Variants in FAM110B observed in about 807,000 individuals in gnomAD.
FAM110B encodes protein FAM110B.
A neutral mutation model predicts 20.4 loss-of-function variants in FAM110B; 6 were observed. The observed-to-expected ratio is 0.29, with a 90% CI of 0.16 to 0.58. FAM110B has a LOEUF of 0.58. Among genes scored for constraint, FAM110B ranks in the 20% least tolerant of loss-of-function variants. The probability of loss-of-function intolerance (pLI) is 0.90; values close to 1 mark genes in which losing one functional copy is unlikely to be tolerated. For synonymous variants in FAM110B, 226 were observed against 214.1 expected (o/e 1.06, Z -0.49); for missense variants, 434 against 498.2 (o/e 0.87, Z 1.23).
intron 1 of FAM110B, among the ~76,000 whole-genome samples, chr8:58,013,324 C>T (rs1177116073): frequency 1.3e-5 from 2 of 152,156 alleles, no homozygotes; most frequent in East Asian, 1.9e-4. Flanking sequence ...TTTGGGCTGT[C>T]CCCATGGCGG....
At chr8:58,049,544 C>T (rs549976056) in intron 2 of FAM110B, among the ~76,000 whole-genome samples, 9 of 152,130 alleles carry the variant, frequency 5.9e-5, no homozygotes, top group South Asian at 2.1e-4. Context: ...GATGGATTGA[C>T]GGAGGATAGA....
At chr8:58,043,637 A>G (rs1805262456) in intron 2 of FAM110B, among the ~76,000 whole-genome samples, 1 of 152,178 alleles carries the variant, frequency 6.6e-6, no homozygotes, top group African/African-American at 2.4e-5. Context: ...AATCTGGAAT[A>G]CATCACTAAT....
At chr8:58,066,717 C>A (rs1037659266) in intron 2 of FAM110B, among the ~76,000 whole-genome samples, 3 of 152,132 alleles carry the variant, frequency 2.0e-5, no homozygotes, top group Non-Finnish European at 4.4e-5. Context: ...GCTCCCCGGA[C>A]CTGGCTTGCG....
chr8:58,056,391 C>T (rs1488490382), intron 2 of FAM110B, among the ~76,000 whole-genome samples: 4 of 152,094 alleles, frequency 2.6e-5, no homozygotes, highest in Admixed American at 6.5e-5. Context: ...TCAATTTCTT[C>T]AGGTTGTTAA....
chr8:58,076,739 A>G (rs1806046603), intron 3 of FAM110B, among the ~76,000 whole-genome samples: 1 of 152,190 alleles, frequency 6.6e-6, no homozygotes, highest in Non-Finnish European at 1.5e-5. Flanking sequence ...TTCCACCATG[A>G]GTTGAAGAGT....
intron 3 of FAM110B, among the ~76,000 whole-genome samples, chr8:58,120,586 G>A (rs1026058705): frequency 6.6e-6 from 1 of 152,182 alleles, no homozygotes; most frequent in African/African-American, 2.4e-5. Context: ...GTTGGAACAC[G>A]AGCTTATGGA....
At chr8:58,077,917 G>A (rs1335887067) in intron 3 of FAM110B, among the ~76,000 whole-genome samples, 3 of 152,188 alleles carry the variant, frequency 2.0e-5, no homozygotes, top group Non-Finnish European at 4.4e-5. Context: ...GTCAATGTGT[G>A]CAAGTTACTT....
intron 2 of FAM110B, among the ~76,000 whole-genome samples, chr8:58,049,187 G>T (rs1049894798): frequency 3.3e-5 from 5 of 152,132 alleles, no homozygotes; most frequent in Admixed American, 2.0e-4. Context: ...TGTTTCTGGG[G>T]AGTAAGCTTG....
intron 3 of FAM110B, among the ~76,000 whole-genome samples, chr8:58,099,394 A>G (rs901275342): frequency 2.0e-5 from 3 of 152,200 alleles, no homozygotes; most frequent in Admixed American, 2.0e-4. Flanking sequence ...CTGGTCCCAC[A>G]CATTTCAGAT....
intron 1 of FAM110B, among the ~76,000 whole-genome samples, chr8:58,002,044 CAGAG>C (rs569578620): frequency 6.6e-6 from 1 of 151,570 alleles, no homozygotes; most frequent in African/African-American, 2.4e-5. Flanking sequence ...AAGAGAGAGA[CAGAG>C]AGAGAGACAG....
chr8:58,135,039 G>A (rs1482756818), intron 3 of FAM110B, among the ~76,000 whole-genome samples: 1 of 152,180 alleles, frequency 6.6e-6, no homozygotes, highest in Non-Finnish European at 1.5e-5. Flanking sequence ...TACATTTGGT[G>A]CTTCATACAT....
At chr8:58,002,034 A>G (rs552545942) in intron 1 of FAM110B, among the ~76,000 whole-genome samples, 13 of 151,830 alleles carry the variant, frequency 8.6e-5, no homozygotes, top group Admixed American at 2.6e-4. Context: ...GAGAGAGAGA[A>G]AGAGAGAGAC....
At chr8:58,068,337 G>A (rs184710858) in intron 2 of FAM110B, among the ~76,000 whole-genome samples, 60 of 152,280 alleles carry the variant, frequency 3.9e-4, no homozygotes, top group Admixed American at 1.3e-3. Flanking sequence ...CAGGGTTTGC[G>A]TATGTGTTTG....
intron 3 of FAM110B, among the ~76,000 whole-genome samples, chr8:58,084,960 G>T (rs1011199812): frequency 6.6e-6 from 1 of 152,118 alleles, no homozygotes; most frequent in Non-Finnish European, 1.5e-5. Flanking sequence ...TTTCCCTCTG[G>T]ACACTGTTTT....
chr8:58,104,343 A>G (rs1182549915), intron 3 of FAM110B, among the ~76,000 whole-genome samples: 1 of 152,242 alleles, frequency 6.6e-6, no homozygotes, highest in Non-Finnish European at 1.5e-5. Flanking sequence ...AAGACAAAGT[A>G]GAAAATTACC....
At chr8:58,066,364 C>T (rs1805761962) in intron 2 of FAM110B, among the ~76,000 whole-genome samples, 1 of 152,174 alleles carries the variant, frequency 6.6e-6, no homozygotes, top group African/African-American at 2.4e-5. Context: ...ATGCTGAGGA[C>T]CTCTTCAGGC....
intron 1 of FAM110B, among the ~76,000 whole-genome samples, chr8:58,015,534 A>G (rs1226919582): frequency 1.3e-5 from 2 of 152,036 alleles, no homozygotes; most frequent in African/African-American, 4.8e-5. Context: ...CCCTCAGTTA[A>G]CTAAAACGTG....
intron 2 of FAM110B, among the ~76,000 whole-genome samples, chr8:58,070,557 TTTA>T (rs1217904326): frequency 6.6e-6 from 1 of 152,226 alleles, no homozygotes; most frequent in Non-Finnish European, 1.5e-5. Flanking sequence ...AGCTACCCTG[TTTA>T]TGGTATTCAC....
At chr8:58,011,192 A>T (rs898278891) in intron 1 of FAM110B, among the ~76,000 whole-genome samples, 2 of 152,178 alleles carry the variant, frequency 1.3e-5, no homozygotes, top group African/African-American at 4.8e-5. Context: ...AAAGACCCTA[A>T]GGTTAAAGAA....
Sources: gnomAD v4.1 joint callset for allele counts (sites outside exome capture counted in the v4.1 genomes callset) on GRCh38, gnomAD v4.1.1 for gene constraint, MANE v1.5 for transcripts, NCBI Gene and HGNC (gene_info 2026-07-23, HGNC 2026-07-21) for gene names.